Variants in ZNF85 observed in about 807,000 individuals in gnomAD.
The protein encoded by ZNF85 is zinc finger protein 85 (HPF4, HTF1).
A neutral mutation model predicts 53.9 loss-of-function variants in ZNF85; 50 were observed. That is an observed-to-expected ratio of 0.93 (90% CI 0.74 to 1.17). The LOEUF is 1.17. ZNF85 is among the 50% of genes most tolerant of loss of function. The probability of loss-of-function intolerance (pLI) is 0.00; values close to 1 mark genes in which losing one functional copy is unlikely to be tolerated. For synonymous variants in ZNF85, 225 were observed against 226.1 expected, an observed-to-expected ratio of 1.00 and a Z score of 0.04; for missense variants, 747 against 688.5, an observed-to-expected ratio of 1.08 and a Z score of -0.95.
chr19:20,942,829 G>T (rs1973329295), intron 3 of ZNF85: 1 of 699,580 alleles, frequency 1.4e-6, no homozygotes, highest in Non-Finnish European at 2.6e-6. Flanking sequence ...AGTCTGGAAT[G>T]CAGTAGCAAG....
chr19:20,927,073 A>T (rs1972896889), intron 1 of ZNF85: 1 of 152,208 alleles, frequency 6.6e-6, no homozygotes. Context: ...TAGGAGGGAC[A>T]TAAAATGGGG....
chr19:20,938,246 T>G (rs145131937), intron 3 of ZNF85, among the ~76,000 whole-genome samples: 2 of 152,276 alleles, frequency 1.3e-5, no homozygotes, highest in Admixed American at 1.3e-4. Flanking sequence ...ATTTTTGTAT[T>G]TTTAATAGAG....
intron 3 of ZNF85, among the ~76,000 whole-genome samples, chr19:20,946,068 G>A (rs1464535816): frequency 6.6e-6 from 1 of 150,432 alleles, no homozygotes; most frequent in Non-Finnish European, 1.5e-5. Flanking sequence ...AAGATTGTTG[G>A]GTACTTTATT....
At chr19:20,924,641 CT>C (rs1223397205) in intron 1 of ZNF85, among the ~76,000 whole-genome samples, 2 of 152,186 alleles carry the variant, frequency 1.3e-5, no homozygotes, top group Non-Finnish European at 2.9e-5. Context: ...CCACCTTCCC[CT>C]CTCTGATACA....
At position 20,949,712 on chromosome 19, in the gene ZNF85, T is replaced by G; in HGVS notation, c.1198T>G (p.Cys400Gly). 1 of 1,613,080 alleles carries G rather than the reference T, an allele frequency of 6.2e-7. No individual in the cohort carries two copies. Among genetic ancestry groups the G allele is most frequent in the African/African-American group, 1.3e-5 (1 of 75,012 alleles). The stretch of plus-strand genomic sequence containing the variant: ...TCATACTGGAGAGAAACCTTACAAA[T>G]GTAAAGAATGTGGTAAAGCTTTTAA... ...IIHTGEKPYKCKECGKAFKHS... is the reference protein window; with the variant it reads ...IIHTGEKPYKGKECGKAFKHS... Residue 400 changes from cysteine (C) to glycine (G), a missense_variant, in exon 4 of 4, where the codon TGT becomes GGT. Coordinates refer to ENST00000328178, the MANE Select transcript of ZNF85 (RefSeq NM_003429.5).
intron 3 of ZNF85, chr19:20,944,003 T>G (rs891088093): frequency 6.3e-6 from 2 of 318,912 alleles, no homozygotes; most frequent in African/African-American, 4.5e-5. Context: ...CTCTATATTT[T>G]CCAGTTTGTT....
At chr19:20,939,950 G>A (rs1973255021) in intron 3 of ZNF85, among the ~76,000 whole-genome samples, 1 of 152,118 alleles carries the variant, frequency 6.6e-6, no homozygotes, top group Non-Finnish European at 1.5e-5. Context: ...GCCCACCTCA[G>A]CCTCCCAAAG....
chr19:20,947,851 T>C (rs918283341), intron 3 of ZNF85, among the ~76,000 whole-genome samples: 4 of 151,944 alleles, frequency 2.6e-5, no homozygotes, highest in Non-Finnish European at 5.9e-5. Context: ...TAATTTTCAA[T>C]TGTTGTCTGT....
chr19:20,934,754 G>T (rs1200807854), intron 2 of ZNF85, among the ~76,000 whole-genome samples, 195 bp from the exon 3 acceptor site: 1 of 144,160 alleles, frequency 6.9e-6, no homozygotes, highest in East Asian at 2.0e-4. Flanking sequence ...TCCAGCCTGG[G>T]TGACAGAATG....
chr19:20,945,750 G>C (rs1201010112), intron 3 of ZNF85: 1 of 152,224 alleles, frequency 6.6e-6, no homozygotes, highest in Non-Finnish European at 1.5e-5. Flanking sequence ...CTTCCAAAGT[G>C]CTGGGATTAC....
Position 20,949,999 on chromosome 19 carries a change from A to C in ZNF85, c.1485A>C (p.Ser495=). Residue 495 remains serine, a synonymous_variant, in exon 4 of 4, where the codon TCA becomes TCC. Transcript: ENST00000328178. ...GTGGCAAAGGTTTTAAATGGCCCTCAACCCTTACTATCCATAAGATAATTC... is the reference window on the plus strand; with the variant it reads ...GTGGCAAAGGTTTTAAATGGCCCTCCACCCTTACTATCCATAAGATAATTC... The part of the protein sequence containing the change: ...EECGKGFKWP[S]TLTIHKIIHT... The C allele has an allele frequency of 3.1e-6, 5 of 1,613,100 alleles. No individual in the cohort carries two copies. The highest frequency in any genetic ancestry group is 4.2e-6 in the Non-Finnish European group (5 of 1,179,676).
At chr19:20,938,572 A>G (rs1973213497) in intron 3 of ZNF85, among the ~76,000 whole-genome samples, 2 of 151,940 alleles carry the variant, frequency 1.3e-5, no homozygotes, top group Non-Finnish European at 2.9e-5. Context: ...CTCTATATAC[A>G]TTTTTCTTTC....
chr19:20,946,423 T>C (rs1201559504), intron 3 of ZNF85: 3 of 350,996 alleles, frequency 8.5e-6, no homozygotes, highest in Non-Finnish European at 1.6e-5. Flanking sequence ...AGTTACCTGT[T>C]GCCTTCTAAT....
chr19:20,950,010 T>G lies in ZNF85; in HGVS notation c.1496T>G (p.Ile499Ser). ...TTTAAATGGCCCTCAACCCTTACTATCCATAAGATAATTCATACTGGAGAG... is the reference window on the plus strand; with the variant it reads ...TTTAAATGGCCCTCAACCCTTACTAGCCATAAGATAATTCATACTGGAGAG... The part of the protein sequence containing the change: ...KGFKWPSTLT[I>S]HKIIHTGEKP... The change falls in exon 4 of 4, where the codon ATC becomes AGC. Residue 499 changes from isoleucine to serine, a missense_variant. Coordinates refer to ENST00000328178, the MANE Select transcript of ZNF85 (RefSeq NM_003429.5). The G allele has an allele frequency of 6.3e-7, 1 of 1,587,164 alleles. No homozygotes were observed. The highest frequency in any genetic ancestry group is 8.6e-7 in the Non-Finnish European group (1 of 1,169,516).
At chr19:20,931,996 G>A (rs1973033756) in intron 1 of ZNF85, among the ~76,000 whole-genome samples, 1 of 152,140 alleles carries the variant, frequency 6.6e-6, no homozygotes, top group South Asian at 2.1e-4. Context: ...AACATATTTT[G>A]ATACCCATGG....
In ZNF85 at chr19:20,934,159, A is replaced by G. The variant is rs145369439; in HGVS notation, c.130+9A>G. 3.6e-5 allele frequency: 58 copies of G among 1,609,646 alleles called. No individual in the cohort carries two copies. The Admixed American group carries it at 4.5e-4, about 13-fold the overall frequency. On this transcript the variant is annotated intron_variant, in intron 2 of 3. Coordinates refer to ENST00000328178, the MANE Select transcript of ZNF85 (RefSeq NM_003429.5). ...AAACCTGGTCTTCCTGGGTGAGGAT[A>G]ACTTCAATACACAATTTCTAATATG...
At chr19:20,941,682 TTA>T (rs1973299616) in intron 3 of ZNF85, among the ~76,000 whole-genome samples, 1 of 152,256 alleles carries the variant, frequency 6.6e-6, no homozygotes. Context: ...TACAAGTTGT[TTA>T]TACATTCTCA....
chr19:20,949,754 A>G lies in ZNF85; in HGVS notation c.1240A>G (p.Thr414Ala). Residue 414 changes from threonine (T) to alanine (A), a missense_variant, in exon 4 of 4, where the codon ACT (threonine) becomes GCT (alanine). Transcript: ENST00000328178. ...GKAFKHSSTL[T>A]KHKIIHTGEK... ...AGCTTTTAAACACTCTTCAACCCTT[A>G]CTAAACATAAGATAATTCATACTGG... 6 of 1,611,950 alleles carry G rather than the reference A, an allele frequency of 3.7e-6. No individual in the cohort carries two copies. The highest frequency in any genetic ancestry group is 5.1e-6 in the Non-Finnish European group (6 of 1,179,052).
At chr19:20,947,592 A>G (rs73021513) in intron 3 of ZNF85, among the ~76,000 whole-genome samples, 16,726 of 140,504 alleles carry the variant, frequency 0.12, 975 homozygotes, top group Middle Eastern at 0.17. Context: ...ATTTACTAGT[A>G]ATCTCATAAG....
Sources: allele counts gnomAD v4.1 joint callset (sites outside exome capture counted in the v4.1 genomes callset), GRCh38; gene constraint gnomAD v4.1.1; transcripts MANE v1.5; gene names NCBI Gene and HGNC (gene_info 2026-07-23, HGNC 2026-07-21).